The following EIF4E3 variants were observed in gnomAD, a reference collection of about 807,000 sequenced individuals.
EIF4E3 encodes eukaryotic translation initiation factor 4E family member 3.
A neutral mutation model predicts 31.7 loss-of-function variants in EIF4E3; 26 were observed. The observed-to-expected ratio is 0.82, with a 90% CI of 0.60 to 1.14. The LOEUF (loss-of-function observed/expected upper bound fraction) is 1.14, where lower values mean the gene tolerates loss of function less well. Among genes scored for constraint, EIF4E3 ranks in the 50% most tolerant of loss-of-function variants. The probability of loss-of-function intolerance (pLI) is 0.00; values close to 1 mark genes in which losing one functional copy is unlikely to be tolerated. For missense variants in EIF4E3, 304 were observed against 270.9 expected, an observed-to-expected ratio of 1.12 and a Z score of -0.86; for synonymous variants, 128 against 107.7, an observed-to-expected ratio of 1.19 and a Z score of -1.17.
At chr3:71,663,278 A>T in the EIF4E3 span, among the ~76,000 whole-genome samples, 1 of 152,268 alleles carries the variant, frequency 6.6e-6, no homozygotes, top group South Asian at 2.1e-4. Flanking sequence ...AAATTTCCCT[A>T]AACATGTAAT....
rs912503103 is a variant in EIF4E3 at position 71,678,804 on chromosome 3, T to A, written c.*5878A>T. On this transcript the variant is annotated 3_prime_UTR_variant, in exon 7 of 7. Transcript: ENST00000425534. ...GGTTCAACTTACACAGGTAAGACTA[T>A]TCTAAAGAATTAATAACTTTCAATG... 1.3e-5 allele frequency: 2 copies of A among 152,176 alleles called. No individual in the cohort carries two copies. Among genetic ancestry groups the A allele is most frequent in the Non-Finnish European group, 2.9e-5 (2 of 68,024 alleles). The allele number at this position is 152,176 out of a possible 1,614,324, so 9.4% of individuals were successfully genotyped here.
chr3:71,728,205 TA>T (rs1313677873), upstream of EIF4E3, among the ~76,000 whole-genome samples: 1 of 152,230 alleles, frequency 6.6e-6, no homozygotes, highest in Non-Finnish European at 1.5e-5. Flanking sequence ...ACCTTAAGAT[TA>T]ATAAAAGAGA....
At chr3:71,748,881 G>T (rs758491509) in intron 1 of EIF4E3, among the ~76,000 whole-genome samples, 35 of 152,206 alleles carry the variant, frequency 2.3e-4, no homozygotes, top group Admixed American at 7.8e-4. Flanking sequence ...TCAGAAATTA[G>T]GTTTCTAGGA....
chr3:71,666,020 T>C, the EIF4E3 span, among the ~76,000 whole-genome samples: 1 of 152,178 alleles, frequency 6.6e-6, no homozygotes, highest in African/African-American at 2.4e-5. Context: ...ATCGACACCC[T>C]AACATCACAA....
intron 2 of EIF4E3, among the ~76,000 whole-genome samples, chr3:71,710,062 C>G (rs887433700): frequency 7.9e-6 from 1 of 126,788 alleles, no homozygotes; most frequent in African/African-American, 4.4e-5. Context: ...AACAGAGGCA[C>G]AGAGAGGCAC....
rs150902459 is a variant in EIF4E3 at position 71,748,575 on chromosome 3, C to T, written c.-291+4888G>A. 1.6e-4 allele frequency among the ~76,000 whole-genome samples: 25 copies of T among 152,206 alleles called. No homozygotes were observed. In the East Asian group the frequency reaches 4.4e-3, roughly 27 times the overall value. ...GAATACCTGTGGATGCATCTAATAT[C>T]AAATGCATCCTCAGCCCAGATTCTC... On this transcript the variant is annotated intron_variant, in intron 1 of 7. Coordinates refer to the EIF4E3 transcript ENST00000295612.
At chr3:71,754,620 G>A, upstream of EIF4E3, 2 of 1,460,012 alleles carry the variant, frequency 1.4e-6, no homozygotes, top group South Asian at 1.3e-5. This position sits in a 1 kb window ranked among gnomAD's most constrained non-coding sequence, Gnocchi z 5.8. Flanking sequence ...GCTGCTGCTG[G>A]CCGTGGTGGT....
chr3:71,672,327 AG>A (rs1315858558), downstream of EIF4E3, among the ~76,000 whole-genome samples: 1 of 152,202 alleles, frequency 6.6e-6, no homozygotes, highest in Non-Finnish European at 1.5e-5. Flanking sequence ...GGTTCTTCTA[AG>A]TGGAAACTTT....
intron 1 of EIF4E3, among the ~76,000 whole-genome samples, chr3:71,713,747 T>C (rs529471303): frequency 2.1e-4 from 32 of 152,276 alleles, no homozygotes; most frequent in African/African-American, 7.5e-4. Flanking sequence ...CTGAACACCA[T>C]TTTTAATACA....
At chr3:71,737,922 A>G (rs1289781185) in intron 1 of EIF4E3, among the ~76,000 whole-genome samples, 2 of 152,234 alleles carry the variant, frequency 1.3e-5, no homozygotes, top group Non-Finnish European at 2.9e-5. Context: ...TGAAATATCT[A>G]TTCAAAAATG....
At chr3:71,689,326 G>A (rs1321797235) in intron 6 of EIF4E3, among the ~76,000 whole-genome samples, 1 of 152,184 alleles carries the variant, frequency 6.6e-6, no homozygotes, top group African/African-American at 2.4e-5. Context: ...TGTTAAATGT[G>A]TGACCTGCAG....
downstream of EIF4E3, among the ~76,000 whole-genome samples, chr3:71,674,146 G>A (rs910493777): frequency 4.4e-5 from 5 of 114,068 alleles, no homozygotes; most frequent in African/African-American, 1.0e-4. Context: ...TCGCTGTGTC[G>A]CCCAGGCTGG....
chr3:71,730,157 T>C (rs973549761), upstream of EIF4E3, among the ~76,000 whole-genome samples: 2 of 151,936 alleles, frequency 1.3e-5, no homozygotes, highest in African/African-American at 4.8e-5. Context: ...CTTGGAAAGG[T>C]AGGGGAGACT....
At chr3:71,669,149 G>GAA in the EIF4E3 span, among the ~76,000 whole-genome samples, 776 of 147,184 alleles carry the variant, frequency 5.3e-3, 6 homozygotes, top group African/African-American at 0.018. Flanking sequence ...CACAGGAACA[G>GAA]AAAACCAAAC....
At chr3:71,720,449 C>A (rs574588216) in intron 1 of EIF4E3, among the ~76,000 whole-genome samples, 1 of 152,206 alleles carries the variant, frequency 6.6e-6, no homozygotes, top group East Asian at 1.9e-4. Context: ...CCCTCCTCAG[C>A]CTCCTAAAGT....
intron 1 of EIF4E3, among the ~76,000 whole-genome samples, chr3:71,717,081 C>T (rs1291969486): frequency 1.3e-5 from 2 of 152,166 alleles, no homozygotes; most frequent in South Asian, 2.1e-4. Context: ...CATATGTATG[C>T]CTAGAGATGC....
At chr3:71,723,028 A>T (rs1480779131) in intron 1 of EIF4E3, among the ~76,000 whole-genome samples, 1 of 152,152 alleles carries the variant, frequency 6.6e-6, no homozygotes, top group Non-Finnish European at 1.5e-5. Flanking sequence ...ACAGGCCGGG[A>T]GGTAGGATGC....
chr3:71,691,861 G>A (rs2049068125), intron 5 of EIF4E3, among the ~76,000 whole-genome samples: 1 of 152,140 alleles, frequency 6.6e-6, no homozygotes, highest in Non-Finnish European at 1.5e-5. Context: ...TATTTTATGT[G>A]AAAATAAAAA....
exon 1 of EIF4E3, chr3:71,753,545 C>T (rs1488896409): frequency 1.3e-5 from 2 of 150,812 alleles, no homozygotes; most frequent in Non-Finnish European, 1.5e-5. Flanking sequence ...GCGGCTGCTG[C>T]GGAGGCGCCC....
Sources: allele counts gnomAD v4.1 joint callset (sites outside exome capture counted in the v4.1 genomes callset), GRCh38; gene constraint gnomAD v4.1.1; non-coding constraint Gnocchi (gnomAD v3.1); transcripts MANE v1.5; gene names NCBI Gene and HGNC (gene_info 2026-07-23, HGNC 2026-07-21).